The following CLMP variants were observed in gnomAD, a reference collection of about 807,000 sequenced individuals.
CLMP encodes CXADR-like membrane protein.
In CLMP, 27 loss-of-function variants were observed where a neutral mutation model predicts 45.2. The ratio of observed to expected loss-of-function variants is 0.60; its 90% CI spans 0.44 to 0.82. The LOEUF (loss-of-function observed/expected upper bound fraction) is 0.82. CLMP is among the 40% of genes least tolerant of loss of function. The probability of loss-of-function intolerance (pLI) is 0.00; values close to 1 mark genes in which losing one functional copy is unlikely to be tolerated. For missense variants in CLMP, 403 were observed against 448.4 expected, an observed-to-expected ratio of 0.90 and a Z score of 0.91; for synonymous variants, 167 against 171.4, an observed-to-expected ratio of 0.97 and a Z score of 0.20.
At chr11:123,137,972 A>G (rs539181478) in intron 1 of CLMP, among the ~76,000 whole-genome samples, 1 of 151,654 alleles carries the variant, frequency 6.6e-6, no homozygotes, top group Non-Finnish European at 1.5e-5. Context: ...TTTTTTTTTA[A>G]TTTGACGAAA....
chr11:123,116,483 G>A (rs988297012), intron 1 of CLMP, among the ~76,000 whole-genome samples: 5 of 151,888 alleles, frequency 3.3e-5, no homozygotes, highest in Admixed American at 6.6e-5. Flanking sequence ...CAGGAGAATC[G>A]CTTGAACCCA....
intron 2 of CLMP, among the ~76,000 whole-genome samples, chr11:123,085,183 T>C (rs987458792): frequency 4.9e-5 from 3 of 61,288 alleles, no homozygotes; most frequent in African/African-American, 3.5e-4. Flanking sequence ...CCTCCCATTC[T>C]TTTTTTTTTT....
At chr11:123,112,579 C>A (rs866171876) in intron 1 of CLMP, among the ~76,000 whole-genome samples, 2 of 151,912 alleles carry the variant, frequency 1.3e-5, no homozygotes, top group Non-Finnish European at 2.9e-5. Flanking sequence ...TCAGGTGAGC[C>A]CCCCCACCTC....
At chr11:123,102,218 T>A (rs1017203176) in intron 1 of CLMP, among the ~76,000 whole-genome samples, 2 of 151,034 alleles carry the variant, frequency 1.3e-5, no homozygotes, top group South Asian at 4.2e-4. Context: ...ACTTCCCTAG[T>A]TATTCCTGCA....
At chr11:123,151,471 A>T (rs1444995860) in intron 1 of CLMP, among the ~76,000 whole-genome samples, 1 of 152,188 alleles carries the variant, frequency 6.6e-6, no homozygotes, top group Non-Finnish European at 1.5e-5. Context: ...TCATTCATTC[A>T]TTCCAAAGGT....
At chr11:123,124,598 T>A (rs1197229858) in intron 1 of CLMP, among the ~76,000 whole-genome samples, 1 of 152,084 alleles carries the variant, frequency 6.6e-6, no homozygotes, top group African/African-American at 2.4e-5. Flanking sequence ...CTTTTTAGAA[T>A]AACCAGTCAT....
chr11:123,113,936 C>T (rs1348271101), intron 1 of CLMP, among the ~76,000 whole-genome samples: 1 of 151,986 alleles, frequency 6.6e-6, no homozygotes, highest in Non-Finnish European at 1.5e-5. Flanking sequence ...GCTTGAACAC[C>T]CTGGCAAGAA....
At chr11:123,094,141 C>G (rs1865964364) in intron 2 of CLMP, among the ~76,000 whole-genome samples, 1 of 152,142 alleles carries the variant, frequency 6.6e-6, no homozygotes, top group African/African-American at 2.4e-5. Context: ...GAAATGGTCT[C>G]CTGTCACCCA....
rs7119919 is a variant in CLMP, at chr11:123,137,960, A to T, written c.29-40008T>A. On this transcript the variant is annotated intron_variant, in intron 1 of 6. Coordinates refer to ENST00000448775, the MANE Select transcript of CLMP (RefSeq NM_024769.5). ...TCCCAGCAGAAAGAGTAGTAATTTT[A>T]TTTTTTTTTTAATTTGACGAAATAG... is the stretch of plus-strand genomic sequence containing the variant. Among the ~76,000 whole-genome samples, 407 of 149,376 alleles carry T rather than the reference A, an allele frequency of 2.7e-3. 5 individuals carry two copies. The highest frequency in any genetic ancestry group is 9.6e-3 in the African/African-American group (391 of 40,746).
intron 2 of CLMP, among the ~76,000 whole-genome samples, chr11:123,093,873 T>A (rs1865961268): frequency 6.6e-6 from 1 of 152,154 alleles, no homozygotes; most frequent in South Asian, 2.1e-4. Context: ...ATGGAGCAGC[T>A]CAACTTTCTG....
intron 5 of CLMP, among the ~76,000 whole-genome samples, chr11:123,080,757 A>G (rs1404368492): frequency 6.6e-6 from 1 of 152,246 alleles, no homozygotes; most frequent in Non-Finnish European, 1.5e-5. Context: ...TCAGTGGGAA[A>G]ACAGCTAAAC....
At chr11:123,180,281 G>A (rs750018828) in intron 1 of CLMP, among the ~76,000 whole-genome samples, 1 of 152,238 alleles carries the variant, frequency 6.6e-6, no homozygotes, top group African/African-American at 2.4e-5. Context: ...TCTAATGTGT[G>A]TGTTTCCCAC....
In CLMP at chr11:123,083,805, G is replaced by A. The variant is rs1011899184; in HGVS notation, c.431C>T (p.Thr144Ile). 1 of 1,613,702 alleles carries A rather than the reference G, an allele frequency of 6.2e-7. No individual in the cohort carries two copies. The highest frequency in any genetic ancestry group is 8.5e-7 in the Non-Finnish European group (1 of 1,180,016). ...KPKCELEGEL[T>I]EGSDLTLQCE... ...CTGCAAAGTCAGGTCACTTCCTTCT[G>A]TCAGCTCTCCTTCCAACTCACACTT... The change falls in exon 4 of 7, where the codon ACA (threonine) becomes ATA (isoleucine). Residue 144 changes from threonine to isoleucine, a missense_variant. Coordinates refer to ENST00000448775, the MANE Select transcript of CLMP (RefSeq NM_024769.5).
chr11:123,186,521 CTT>C (rs113644477), intron 1 of CLMP, among the ~76,000 whole-genome samples: 68 of 142,872 alleles, frequency 4.8e-4, no homozygotes, highest in African/African-American at 1.5e-3. Flanking sequence ...AATTTGTGAG[CTT>C]TTTTTTTTTT....
intron 1 of CLMP, among the ~76,000 whole-genome samples, chr11:123,180,985 G>T (rs530553592): frequency 6.6e-6 from 1 of 152,330 alleles, no homozygotes; most frequent in South Asian, 2.1e-4. Flanking sequence ...GGGGCCCGGG[G>T]TGTGTGCATG....
chr11:123,092,443 A>G (rs544924954), intron 2 of CLMP, among the ~76,000 whole-genome samples: 1 of 151,910 alleles, frequency 6.6e-6, no homozygotes, highest in African/African-American at 2.4e-5. Flanking sequence ...GACTACAGGC[A>G]CACACCACCA....
chr11:123,159,346 C>T (rs918040618), intron 1 of CLMP, among the ~76,000 whole-genome samples: 3 of 152,086 alleles, frequency 2.0e-5, no homozygotes, highest in Non-Finnish European at 4.4e-5. Context: ...CTTGGCCCGG[C>T]GATGGGGCAA....
At chr11:123,164,229 C>T (rs1278151230) in intron 1 of CLMP, among the ~76,000 whole-genome samples, 1 of 152,130 alleles carries the variant, frequency 6.6e-6, no homozygotes, top group Non-Finnish European at 1.5e-5. Flanking sequence ...TAATAGACTC[C>T]CCTTGGATTT....
intron 1 of CLMP, among the ~76,000 whole-genome samples, chr11:123,111,997 CT>C (rs1192856031): frequency 6.6e-6 from 1 of 152,088 alleles, no homozygotes; most frequent in African/African-American, 2.4e-5. Flanking sequence ...AGTGATGCCC[CT>C]GGCTCGGAAA....
Sources: gnomAD v4.1 joint callset for allele counts (sites outside exome capture counted in the v4.1 genomes callset) on GRCh38, gnomAD v4.1.1 for gene constraint, MANE v1.5 for transcripts, NCBI Gene and HGNC (gene_info 2026-07-23, HGNC 2026-07-21) for gene names.